WWOX: variants seen among roughly 807,000 people sequenced by gnomAD.
WWOX encodes WW domain-containing oxidoreductase.
WWOX carries 69 observed loss-of-function variants against 46.2 expected under a neutral mutation model. The observed-to-expected ratio is 1.49, with a 90% CI of 1.23 to 1.82. The LOEUF (loss-of-function observed/expected upper bound fraction) is 1.82, where lower values mean the gene tolerates loss of function less well. WWOX is among the 40% of genes most tolerant of loss of function. The pLI, the probability that WWOX is intolerant of heterozygous loss-of-function variation, is 0.00. For missense variants in WWOX, 919 were observed against 542.6 expected, an observed-to-expected ratio of 1.69 and a Z score of -6.89; for synonymous variants, 359 against 202.6, an observed-to-expected ratio of 1.77 and a Z score of -6.56.
intron 8 of WWOX, among the ~76,000 whole-genome samples, chr16:78,456,773 C>A (rs112481926): frequency 0.018 from 2,688 of 152,238 alleles, 31 homozygotes; most frequent in Non-Finnish European, 0.027. Flanking sequence ...ATTATCATGC[C>A]CATTCATTAT....
chr16:78,327,045 A>C (rs1344215106), intron 5 of WWOX, among the ~76,000 whole-genome samples: 6 of 152,232 alleles, frequency 3.9e-5, no homozygotes, highest in South Asian at 4.1e-4. Context: ...GATCCTCAGC[A>C]CTGCGCTGGG....
At chr16:79,179,693 C>A (rs912234132) in intron 8 of WWOX, among the ~76,000 whole-genome samples, 2 of 152,154 alleles carry the variant, frequency 1.3e-5, no homozygotes, top group African/African-American at 2.4e-5. Context: ...TTTACCAGAT[C>A]CTTCTTTAGT....
intron 5 of WWOX, among the ~76,000 whole-genome samples, chr16:78,375,986 G>A (rs746036980): frequency 3.6e-4 from 55 of 151,872 alleles, no homozygotes; most frequent in Non-Finnish European, 7.6e-4. Flanking sequence ...AATTAGCGGG[G>A]ACTACCAGCG....
At chr16:78,854,768 A>T (rs2052529186) in intron 8 of WWOX, among the ~76,000 whole-genome samples, 1 of 152,172 alleles carries the variant, frequency 6.6e-6, no homozygotes, top group Non-Finnish European at 1.5e-5. Flanking sequence ...TTTAGTAAAG[A>T]TGGGGTTTCA....
chr16:78,992,882 A>C (rs767205964), intron 8 of WWOX, among the ~76,000 whole-genome samples: 4 of 152,058 alleles, frequency 2.6e-5, no homozygotes, highest in Non-Finnish European at 5.9e-5. Flanking sequence ...ACGACCCGCA[A>C]ATTTCCAATT....
chr16:78,586,276 G>T (rs2045205041), intron 8 of WWOX, among the ~76,000 whole-genome samples: 1 of 152,152 alleles, frequency 6.6e-6, no homozygotes, highest in Non-Finnish European at 1.5e-5. Context: ...CAGCCTGGGT[G>T]ACAGAGCAAG....
intron 8 of WWOX, among the ~76,000 whole-genome samples, chr16:78,688,648 A>C (rs555401767): frequency 2.6e-5 from 4 of 152,208 alleles, no homozygotes; most frequent in Admixed American, 1.3e-4. Context: ...GATAATTGAT[A>C]ATGTCTGAGG....
intron 8 of WWOX, among the ~76,000 whole-genome samples, chr16:78,987,486 T>C (rs539974183): frequency 6.6e-6 from 1 of 152,332 alleles, no homozygotes; most frequent in South Asian, 2.1e-4. Flanking sequence ...GACAAATGGA[T>C]TGTGAAACTG....
intron 5 of WWOX, among the ~76,000 whole-genome samples, chr16:78,205,846 GTCCTTCCT>G (rs538463131): frequency 1.9e-4 from 28 of 145,172 alleles, no homozygotes; most frequent in Admixed American, 6.9e-4. Flanking sequence ...CCTTCCTTCC[GTCCTTCCT>G]TCCTTCCTTC....
chr16:79,186,972 T>C (rs145910085), intron 8 of WWOX, among the ~76,000 whole-genome samples: 332 of 152,286 alleles, frequency 2.2e-3, no homozygotes, highest in African/African-American at 7.4e-3. Context: ...TATCATAATA[T>C]GAAGAATTTC....
At chr16:78,234,809 A>AT (rs138158156) in intron 5 of WWOX, among the ~76,000 whole-genome samples, 195 of 151,838 alleles carry the variant, frequency 1.3e-3, no homozygotes, top group African/African-American at 4.5e-3. Context: ...CAACAAAAAA[A>AT]AACCCACACA....
At chr16:78,429,606 G>T (rs759767251) in intron 7 of WWOX, among the ~76,000 whole-genome samples, 2 of 152,088 alleles carry the variant, frequency 1.3e-5, no homozygotes, top group Non-Finnish European at 2.9e-5. Flanking sequence ...CTAAATCCTT[G>T]TCCCTGTTGT....
intron 8 of WWOX, among the ~76,000 whole-genome samples, chr16:78,640,301 G>A (rs1281898960): frequency 7.4e-6 from 1 of 134,322 alleles, no homozygotes; most frequent in African/African-American, 2.8e-5. Context: ...ACTATTGAAG[G>A]AATGTTTCAC....
chr16:78,432,348 C>T, intron 7 of WWOX, 140 bp from the exon 8 acceptor site: 1 of 1,104,806 alleles, frequency 9.1e-7, no homozygotes, highest in Non-Finnish European at 1.3e-6. Context: ...TCAGGTGATC[C>T]ACTCGTCTAA....
chr16:79,072,681 C>T lies in WWOX; in HGVS notation c.1057-138927C>T, dbSNP rs185354716. Among the ~76,000 whole-genome samples, 434 of 152,264 alleles carry T rather than the reference C, an allele frequency of 2.9e-3. 5 individuals carry two copies. Among genetic ancestry groups the T allele is most frequent in the Admixed American group, 0.018 (271 of 15,290 alleles). On this transcript the variant is annotated intron_variant, in intron 8 of 8. Coordinates refer to ENST00000566780, the MANE Select transcript of WWOX (RefSeq NM_016373.4). ...TTTTAGCTGTCATCTTCATCATCAC[C>T]ATCACCATCACCATCGTCATCATCA...
intron 8 of WWOX, among the ~76,000 whole-genome samples, chr16:78,755,611 T>TTCC (rs1460164398): frequency 1.4e-4 from 22 of 152,296 alleles, no homozygotes; most frequent in African/African-American, 5.3e-4. Flanking sequence ...CCCACTGGGA[T>TTCC]TCCTGTGTGA....
chr16:79,162,672 A>G (rs1210994165), intron 8 of WWOX, among the ~76,000 whole-genome samples: 10 of 152,168 alleles, frequency 6.6e-5, no homozygotes, highest in Admixed American at 6.5e-4. Flanking sequence ...TGCTCTCAAC[A>G]GATCATGCCA....
Position 78,644,927 on chromosome 16 carries a change from A to G in WWOX, c.1056+212175A>G, listed in dbSNP as rs1011827368. Among the ~76,000 whole-genome samples the G allele has an allele frequency of 1.4e-4, 21 of 152,302 alleles. 1 individual carries two copies. The South Asian group carries it at 2.3e-3, about 17-fold the overall frequency. On this transcript the variant is annotated intron_variant, in intron 8 of 8. Transcript: ENST00000566780. ...GATAGGAATTACTAAGGAAAATTGT[A>G]TTTTTGTGGAATTCTTTGAACTCGT...
chr16:78,702,378 G>A (rs975492254), intron 8 of WWOX, among the ~76,000 whole-genome samples: 1 of 151,856 alleles, frequency 6.6e-6, no homozygotes, highest in Non-Finnish European at 1.5e-5. Flanking sequence ...GGCTGGGCAT[G>A]GTAGCTCACG....
Sources: gnomAD v4.1 joint callset for allele counts (sites outside exome capture counted in the v4.1 genomes callset) on GRCh38, gnomAD v4.1.1 for gene constraint, MANE v1.5 for transcripts, NCBI Gene and HGNC (gene_info 2026-07-23, HGNC 2026-07-21) for gene names.